JAKMIP3: variants seen among roughly 807,000 people sequenced by gnomAD.
JAKMIP3 encodes the protein Janus kinase and microtubule interacting protein 3.
JAKMIP3 carries 58 observed loss-of-function variants against 118.5 expected under a neutral mutation model. The observed-to-expected ratio is 0.49, with a 90% CI of 0.40 to 0.61. The LOEUF (loss-of-function observed/expected upper bound fraction) is 0.61, where lower values mean the gene tolerates loss of function less well. Ranked by LOEUF, JAKMIP3 falls within the 20% of genes least tolerant of loss-of-function variation. JAKMIP3 has a pLI of 0.00. For missense variants in JAKMIP3, 950 were observed against 1,109.0 expected, an observed-to-expected ratio of 0.86 and a Z score of 2.04; for synonymous variants, 486 against 451.2, an observed-to-expected ratio of 1.08 and a Z score of -0.98.
chr10:132,159,895 TGGGGGGTCTCTTCCTGTGTGATGCTGG>T (rs2057831183), intron 19 of JAKMIP3, among the ~76,000 whole-genome samples: 1 of 9,508 alleles, frequency 1.1e-4, no homozygotes, highest in African/African-American at 6.3e-4. Flanking sequence ...TGTGTGATGC[TGGGGGGTCTCTTCCTGTGTGATGCTGG>T]GGGGGGGTCT....
intron 1 of JAKMIP3, among the ~76,000 whole-genome samples, chr10:132,043,529 C>T (rs1258126834): frequency 1.3e-5 from 2 of 152,216 alleles, no homozygotes; most frequent in Admixed American, 1.3e-4. Flanking sequence ...TGCTGTTGCC[C>T]CCAAAGCACT....
At chr10:132,046,672 A>C (rs1178446944) in intron 1 of JAKMIP3, among the ~76,000 whole-genome samples, 1 of 152,174 alleles carries the variant, frequency 6.6e-6, no homozygotes, top group Non-Finnish European at 1.5e-5. Context: ...TAAGTTTTAA[A>C]ATAATTTTAG....
At chr10:132,151,533 G>T (rs145946962) in intron 16 of JAKMIP3, among the ~76,000 whole-genome samples, 7 of 152,228 alleles carry the variant, frequency 4.6e-5, no homozygotes, top group African/African-American at 1.7e-4. Flanking sequence ...CAGGGTGGCC[G>T]TGGACCTGAC....
intron 23 of JAKMIP3, among the ~76,000 whole-genome samples, chr10:132,170,493 C>T (rs1053921545): frequency 2.0e-5 from 3 of 152,164 alleles, no homozygotes; most frequent in Non-Finnish European, 4.4e-5. Flanking sequence ...ACAGAGGGGA[C>T]GCCGGGTCAG....
chr10:132,063,921 A>T (rs553005553), upstream of JAKMIP3, among the ~76,000 whole-genome samples: 7 of 152,366 alleles, frequency 4.6e-5, no homozygotes, highest in South Asian at 6.2e-4. Context: ...CAACACACAC[A>T]GGCACGCGTT....
In JAKMIP3 at chr10:132,164,673, A is replaced by G. The variant is rs2058713143; in HGVS notation, c.2428A>G (p.Ile810Val). 5 of 1,574,758 alleles carry G rather than the reference A, an allele frequency of 3.2e-6. No individual in the cohort carries two copies. The highest frequency in any genetic ancestry group is 3.5e-6 in the Non-Finnish European group (4 of 1,144,508). The change falls in exon 21 of 24, where the codon ATT becomes GTT. Residue 810 changes from isoleucine (I) to valine (V), a missense_variant. Transcript: ENST00000684848. Reference protein sequence around the residue: ...MELLQLAQQRIKELEERIEAQ... With the variant: ...MELLQLAQQRVKELEERIEAQ... ...GTTCTTCCTTTTAATCTTGCAGAGA[A>G]TTAAAGAGTTAGAAGAAAGAATAGA...
rs1274500479 is a variant in JAKMIP3, at chr10:132,115,858, A to G, written c.136-1219A>G. Among the ~76,000 whole-genome samples, 4 of 152,376 alleles carry G rather than the reference A, an allele frequency of 2.6e-5. No individual in the cohort carries two copies. In the East Asian group the frequency reaches 7.7e-4, roughly 29 times the overall value. On this transcript the variant is annotated intron_variant, in intron 2 of 23. Transcript: ENST00000684848. ...AGCCCTGAGGGCTCAGCTGTCCTCC[A>G]GCTCCCACTGGAGCCGTGAATATTT... is the stretch of plus-strand genomic sequence containing the variant.
At chr10:132,164,858 C>G (rs143544085) in intron 21 of JAKMIP3, 123 bp downstream of exon 21, 8 of 686,490 alleles carry the variant, frequency 1.2e-5, no homozygotes, top group Non-Finnish European at 2.1e-5. Flanking sequence ...CCAACAGCAG[C>G]GGGAAGCGGC....
Position 132,166,986 on chromosome 10 carries a change from C to A in JAKMIP3, c.2494C>A (p.Leu832Ile), listed in dbSNP as rs1314190916. 3 of 1,544,564 alleles carry A rather than the reference C, an allele frequency of 1.9e-6. No individual in the cohort carries two copies. Among genetic ancestry groups the A allele is most frequent in the Non-Finnish European group, 2.6e-6 (3 of 1,140,816 alleles). ...CATCCTCCCCTTTCCGTTTCAGTTT[C>A]TATTTTTGTTCTTATTTTTCTCCTT... ...RQIKELEEKFLFLFLFFSLAF... is the reference protein window; with the variant it reads ...RQIKELEEKFIFLFLFFSLAF... Residue 832 changes from leucine to isoleucine, a missense_variant, in exon 22 of 24, where the codon CTA becomes ATA. Physicochemically the swap from Leu to Ile is conservative, Grantham distance 5. Transcript: ENST00000684848.
intron 4 of JAKMIP3, 32 bp downstream of exon 4, chr10:132,133,559 C>G: frequency 2.0e-6 from 3 of 1,536,156 alleles, no homozygotes; most frequent in East Asian, 2.4e-5. Context: ...CGGCCCACCC[C>G]GTGTCACAGA....
chr10:132,158,393 G>A (rs2057347971), intron 19 of JAKMIP3, among the ~76,000 whole-genome samples: 1 of 152,176 alleles, frequency 6.6e-6, no homozygotes, highest in Admixed American at 6.5e-5. Context: ...TAGAGATGTA[G>A]GTCTCCACAC....
chr10:132,038,676 C>A (rs537980839), intron 1 of JAKMIP3, among the ~76,000 whole-genome samples: 2 of 151,702 alleles, frequency 1.3e-5, no homozygotes, highest in African/African-American at 4.9e-5. Flanking sequence ...CCTGTAATCC[C>A]AGCTCCTCGG....
Position 132,140,533 on chromosome 10 carries a change from A to G in JAKMIP3, c.1427A>G (p.Asp476Gly). 6.2e-7 allele frequency: 1 copy of G among 1,613,474 alleles called. No homozygotes were observed. Among genetic ancestry groups the G allele is most frequent in the Non-Finnish European group, 8.5e-7 (1 of 1,179,746 alleles). The change falls in exon 10 of 24, where the codon GAC becomes GGC. Residue 476 changes from aspartate (D) to glycine (G), a missense_variant. Asp to Gly is a moderately conservative substitution (Grantham distance 94, BLOSUM62 -1). Transcript: ENST00000684848. ...GGCTCCTCCGTCTCTTACCAAACAG[A>G]CAGGACGGACCAGACCCCGTGCACC... is the stretch of plus-strand genomic sequence containing the variant. Reference protein sequence around the residue: ...SDGSSVSYQTDRTDQTPCTPD... With the variant: ...SDGSSVSYQTGRTDQTPCTPD...
intron 13 of JAKMIP3, among the ~76,000 whole-genome samples, chr10:132,146,713 T>A (rs367802884): frequency 9.2e-5 from 14 of 152,208 alleles, no homozygotes; most frequent in East Asian, 7.7e-4. Context: ...TCTGCACTGC[T>A]GCCAGCCCAG....
intron 23 of JAKMIP3, among the ~76,000 whole-genome samples, chr10:132,180,650 T>TGTGTGCGCGC (rs1565019859): frequency 3.5e-5 from 1 of 28,244 alleles, no homozygotes; most frequent in African/African-American, 2.0e-4. Flanking sequence ...TGTGTGCGTG[T>TGTGTGCGCGC]GCGTGTGCGT....
rs1024560901 is a variant in JAKMIP3 at position 132,183,986 on chromosome 10, G to C, written c.*2733G>C. ...CTTACTGCTAGCTCTTCTAACAGGGGAAGTCTGTATGAATGCATCACCCCC... is the reference window on the plus strand; with the variant it reads ...CTTACTGCTAGCTCTTCTAACAGGGCAAGTCTGTATGAATGCATCACCCCC... On this transcript the variant is annotated 3_prime_UTR_variant, in exon 24 of 24. Transcript: ENST00000684848. 2.0e-5 allele frequency: 3 copies of C among 152,194 alleles called. No individual in the cohort carries two copies. Among genetic ancestry groups the C allele is most frequent in the Non-Finnish European group, 2.9e-5 (2 of 68,034 alleles). 9.4% of individuals were successfully genotyped at this position (152,194 alleles called of 1,614,324 possible).
chr10:132,165,418 A>G (rs1368159737), intron 21 of JAKMIP3, among the ~76,000 whole-genome samples: 3 of 152,130 alleles, frequency 2.0e-5, no homozygotes, highest in African/African-American at 7.2e-5. Flanking sequence ...TGTTCACTCC[A>G]TTGTGATTGG....
Position 132,142,031 on chromosome 10 carries a change from G to T in JAKMIP3, c.1585G>T (p.Ala529Ser), listed in dbSNP as rs764815598. ...LQEQVGGTLD[A>S]EREVKTREQL... is the part of the protein sequence containing the mutation. ...GGAGCAGGTTGGAGGGACGCTGGAC[G>T]CAGAGCGAGAAGTTAAGGTCTACGT... Residue 529 changes from alanine (A) to serine (S), a missense_variant, in exon 11 of 24, where the codon GCA becomes TCA. Transcript: ENST00000684848. 3 of 1,607,538 alleles carry T rather than the reference G, an allele frequency of 1.9e-6. No homozygotes were observed. The highest frequency in any genetic ancestry group is 2.2e-5 in the South Asian group (2 of 90,010).
chr10:132,157,029 A>G (rs1218683751), intron 19 of JAKMIP3, among the ~76,000 whole-genome samples: 1 of 152,170 alleles, frequency 6.6e-6, no homozygotes, highest in East Asian at 1.9e-4. Flanking sequence ...GGATGGGGAT[A>G]CACATAGTAT....
Sources: allele counts gnomAD v4.1 joint callset (sites outside exome capture counted in the v4.1 genomes callset), GRCh38; gene constraint gnomAD v4.1.1; transcripts MANE v1.5; gene names NCBI Gene and HGNC (gene_info 2026-07-23, HGNC 2026-07-21).